Variants in FERMT1 observed in about 807,000 individuals in gnomAD.
FERMT1 encodes the protein fermitin family homolog 1.
FERMT1 carries 60 observed loss-of-function variants against 85.3 expected under a neutral mutation model. The ratio of observed to expected loss-of-function variants is 0.70; its 90% CI spans 0.57 to 0.87. The LOEUF (loss-of-function observed/expected upper bound fraction) is 0.87, where lower values mean the gene tolerates loss of function less well. FERMT1 is among the 40% of genes least tolerant of loss of function. FERMT1 has a pLI of 0.00. For missense variants in FERMT1, 701 were observed against 818.9 expected, an observed-to-expected ratio of 0.86 and a Z score of 1.76; for synonymous variants, 275 against 301.1, an observed-to-expected ratio of 0.91 and a Z score of 0.90.
intron 12 of FERMT1, 125 bp from the exon 13 acceptor site, chr20:6,084,289 C>A (rs1982100932): frequency 1.0e-6 from 1 of 972,278 alleles, no homozygotes; most frequent in South Asian, 1.4e-5. Flanking sequence ...CAAAGACAAT[C>A]CATTCTCATC....
chr20:6,117,422 C>T (rs1983131501), intron 2 of FERMT1, among the ~76,000 whole-genome samples: 1 of 139,066 alleles, frequency 7.2e-6, no homozygotes, highest in African/African-American at 2.8e-5. Flanking sequence ...GTGCGCACCA[C>T]CATGTCAGTC....
chr20:6,111,269 T>C (rs528883767), intron 4 of FERMT1, among the ~76,000 whole-genome samples: 20 of 152,364 alleles, frequency 1.3e-4, no homozygotes, highest in African/African-American at 4.6e-4. Flanking sequence ...AGTAGGCTGA[T>C]GATTTATAAA....
At chr20:6,084,288 T>C (rs1982100847) in intron 12 of FERMT1, 124 bp from the exon 13 acceptor site, 1 of 969,328 alleles carries the variant, frequency 1.0e-6, no homozygotes, top group Non-Finnish European at 1.6e-6. Flanking sequence ...ACAAAGACAA[T>C]CCATTCTCAT....
intron 14 of FERMT1, 94 bp downstream of exon 14, chr20:6,079,342 T>TAG: frequency 7.5e-7 from 1 of 1,327,394 alleles, no homozygotes; most frequent in Non-Finnish European, 1.1e-6. Flanking sequence ...TAGGTCTAAA[T>TAG]AGAAGAACAC....
At chr20:6,120,703 C>T (rs1325929354) in intron 1 of FERMT1, among the ~76,000 whole-genome samples, 1 of 152,116 alleles carries the variant, frequency 6.6e-6, no homozygotes, top group Non-Finnish European at 1.5e-5. Flanking sequence ...TTTTAAGAAA[C>T]ATCAATGCAC....
chr20:6,110,424 C>T lies in FERMT1; in HGVS notation c.620G>A (p.Ser207Asn), dbSNP rs766284783. Residue 207 changes from serine (S) to asparagine (N), a missense_variant, in exon 5 of 15, where the codon AGT (serine) becomes AAT (asparagine). Transcript: ENST00000217289. Reference protein sequence around the residue: ...TPASSTMTWFSDSPLTEQNCS... With the variant: ...TPASSTMTWFNDSPLTEQNCS... ...GTTTTGTTCCGTCAAAGGGCTGTCA[C>T]TGAACCAAGTCATGGTGGATGATGC... The T allele has an allele frequency of 2.5e-6, 4 of 1,613,978 alleles. No individual in the cohort carries two copies. The African/African-American group carries it at 5.3e-5, about 22-fold the overall frequency.
rs1983077376 is a variant in FERMT1 at position 6,115,744 on chromosome 20, A to G, written c.385+67T>C. The G allele has an allele frequency of 4.3e-6, 5 of 1,157,490 alleles. No individual in the cohort carries two copies. The Admixed American group carries it at 6.8e-5, about 16-fold the overall frequency. 71.7% of individuals were successfully genotyped at this position (1,157,490 alleles called of 1,614,324 possible). ...CAATTACTTGAAGTAGGCAGAATGC[A>G]CACATAATTTTCCTGTCTAGCTTTG... On this transcript the variant is annotated intron_variant, in intron 3 of 14. Coordinates refer to ENST00000217289, the MANE Select transcript of FERMT1 (RefSeq NM_017671.5).
At position 6,076,288 on chromosome 20, in the gene FERMT1, T is replaced by A; in HGVS notation, c.*885A>T. On this transcript the variant is annotated 3_prime_UTR_variant, in exon 15 of 15. Transcript: ENST00000217289. Reference sequence around the variant, plus strand: ...AGTTGGGATAGACACCTGACTGGAATCCTTGACACTGGCAGGTGTTTCTAT... The same window carrying A: ...AGTTGGGATAGACACCTGACTGGAAACCTTGACACTGGCAGGTGTTTCTAT... The A allele has an allele frequency of 2.7e-6, 1 of 376,638 alleles. No individual in the cohort carries two copies. 23.3% of individuals were successfully genotyped at this position (376,638 alleles called of 1,614,324 possible).
At chr20:6,094,305 G>A (rs941946669) in intron 9 of FERMT1, 2 of 152,388 alleles carry the variant, frequency 1.3e-5, no homozygotes, top group South Asian at 2.1e-4. Context: ...CATTGCAGAG[G>A]TGGCAGTTCA....
chr20:6,076,990 G>A lies in FERMT1; in HGVS notation c.*183C>T. ...AGAGAGGCTCCTTCCGTGGCTGGTAGCACAGGGCAAAGTAAGGAAAGGGAT... is the reference window on the plus strand; with the variant it reads ...AGAGAGGCTCCTTCCGTGGCTGGTAACACAGGGCAAAGTAAGGAAAGGGAT... On this transcript the variant is annotated 3_prime_UTR_variant, in exon 15 of 15. Coordinates refer to ENST00000217289, the MANE Select transcript of FERMT1 (RefSeq NM_017671.5). 1.5e-6 allele frequency: 1 copy of A among 656,396 alleles called. No homozygotes were observed. The highest frequency in any genetic ancestry group is 2.5e-5 in the Admixed American group (1 of 39,852). 40.7% of individuals were successfully genotyped at this position (656,396 alleles called of 1,614,324 possible). A position where few individuals can be genotyped will look rare whatever the true frequency, so the allele number is the denominator to read the frequency against.
chr20:6,089,801 T>C (rs1164952886), intron 9 of FERMT1, among the ~76,000 whole-genome samples: 1 of 152,228 alleles, frequency 6.6e-6, no homozygotes, highest in Non-Finnish European at 1.5e-5. Context: ...GAAAACTTTA[T>C]ACAGTGGACT....
At chr20:6,114,989 A>G (rs1256382021) in intron 3 of FERMT1, among the ~76,000 whole-genome samples, 1 of 152,208 alleles carries the variant, frequency 6.6e-6, no homozygotes, top group Non-Finnish European at 1.5e-5. Flanking sequence ...TTGCTACTAT[A>G]TCCCTAGCAC....
rs1240269135 is a variant in FERMT1, at chr20:6,085,271, T to C, written c.1388A>G (p.Gln463Arg). 4.3e-6 allele frequency: 7 copies of C among 1,613,486 alleles called. No individual in the cohort carries two copies. The highest frequency in any genetic ancestry group is 4.0e-5 in the African/African-American group (3 of 74,902). ...TGCCAACATGCAGGCAGCCATCCATTGGGCGTATTGATTCTCCTGCAGCAA... is the reference window on the plus strand; with the variant it reads ...TGCCAACATGCAGGCAGCCATCCATCGGGCGTATTGATTCTCCTGCAGCAA... ...LRCDHENQYA[Q>R]WMAACMLASK... is the part of the protein sequence containing the mutation. The change falls in exon 12 of 15, where the codon CAA (glutamine) becomes CGA (arginine). Residue 463 changes from glutamine (Q) to arginine (R), a missense_variant. Coordinates refer to ENST00000217289, the MANE Select transcript of FERMT1 (RefSeq NM_017671.5).
rs367688066 is a variant in FERMT1 at position 6,076,534 on chromosome 20, T to A, written c.*639A>T. 2.0e-5 allele frequency: 10 copies of A among 491,670 alleles called. No homozygotes were observed. The highest frequency in any genetic ancestry group is 4.1e-5 in the Non-Finnish European group (10 of 246,446). The allele number at this position is 491,670 out of a possible 1,614,324, so 30.5% of individuals were successfully genotyped here. On this transcript the variant is annotated 3_prime_UTR_variant, in exon 15 of 15. Transcript: ENST00000217289. ...ATGACTAAGACCAGATGTGGGTCAGTGGTCATCTTGGCAGGTATCACTGTG... is the reference window on the plus strand; with the variant it reads ...ATGACTAAGACCAGATGTGGGTCAGAGGTCATCTTGGCAGGTATCACTGTG...
chr20:6,119,498 G>A lies in FERMT1; in HGVS notation c.57C>T (p.Asp19=), dbSNP rs1983205295. 6.2e-7 allele frequency: 1 copy of A among 1,614,070 alleles called. No individual in the cohort carries two copies. The highest frequency in any genetic ancestry group is 1.3e-5 in the African/African-American group (1 of 74,928). ...FASWELVVRV[D]HPNEEQQKDV... ...CTTTCTGCTGCTCTTCATTGGGATG[G>A]TCAACGCGGACCACAAGCTCCCAGG... Residue 19 remains aspartate (D), a synonymous_variant, in exon 2 of 15, where the codon GAC becomes GAT. Coordinates refer to ENST00000217289, the MANE Select transcript of FERMT1 (RefSeq NM_017671.5).
intron 4 of FERMT1, 97 bp downstream of exon 4, chr20:6,112,380 A>G (rs1420703952): frequency 8.0e-7 from 1 of 1,245,300 alleles, no homozygotes; most frequent in Non-Finnish European, 1.2e-6. Flanking sequence ...CTGCAATTTT[A>G]TTTCTCCTTT....
chr20:6,110,209 G>T, intron 5 of FERMT1, 89 bp downstream of exon 5: 1 of 1,134,830 alleles, frequency 8.8e-7, no homozygotes, highest in Non-Finnish European at 1.3e-6. Flanking sequence ...CAATCCCTAG[G>T]CCTACCAACT....
chr20:6,087,518 C>T (rs997311844), intron 11 of FERMT1: 6 of 426,708 alleles, frequency 1.4e-5, no homozygotes, highest in Non-Finnish European at 1.3e-5. Context: ...ACCATATTGG[C>T]CAGACTGGTC....
rs796643985 is a variant in FERMT1, at chr20:6,107,154, C to T, written c.849+378G>A. On this transcript the variant is annotated intron_variant, in intron 6 of 14. Coordinates refer to ENST00000217289, the MANE Select transcript of FERMT1 (RefSeq NM_017671.5). Reference sequence around the variant, plus strand: ...GAGGTTGCAGTCAGCCAAGATCGTGCCACTGCACTCCAGCCTGGGTGACAG... The same window carrying T: ...GAGGTTGCAGTCAGCCAAGATCGTGTCACTGCACTCCAGCCTGGGTGACAG... 4.7e-5 allele frequency among the ~76,000 whole-genome samples: 7 copies of T among 149,384 alleles called. 1 individual carries two copies. The highest frequency in any genetic ancestry group is 1.7e-4 in the African/African-American group (7 of 40,584).
Sources: allele counts gnomAD v4.1 joint callset (sites outside exome capture counted in the v4.1 genomes callset), GRCh38; gene constraint gnomAD v4.1.1; transcripts MANE v1.5; gene names NCBI Gene and HGNC (gene_info 2026-07-23, HGNC 2026-07-21).